Variants in ASAP1 observed in about 807,000 individuals in gnomAD.
The protein encoded by ASAP1 is arf-GAP with SH3 domain, ANK repeat and PH domain-containing protein 1.
Under a neutral mutation model 145.2 loss-of-function variants are expected in ASAP1, and 43 were observed. The observed-to-expected ratio is 0.30, with a 90% CI of 0.23 to 0.38. The LOEUF (loss-of-function observed/expected upper bound fraction) is 0.38, where lower values mean the gene tolerates loss of function less well. Ranked by LOEUF, ASAP1 falls within the 10% of genes least tolerant of loss-of-function variation. The pLI, the probability that ASAP1 is intolerant of heterozygous loss-of-function variation, is 1.00. For synonymous variants in ASAP1, 546 were observed against 515.5 expected, an observed-to-expected ratio of 1.06 and a Z score of -0.80; for missense variants, 1,018 against 1,355.3, an observed-to-expected ratio of 0.75 and a Z score of 3.91.
In ASAP1 at chr8:130,159,601, T is replaced by C. The variant is rs557361723; in HGVS notation, c.1010+263A>G. ...AGGTGGGTGAGTATGAGGTCAGCAC[T>C]TGCCTGCTGCATGTGCTACTCAGTA... On this transcript the variant is annotated intron_variant, in intron 12 of 29. Coordinates refer to ENST00000518721, the MANE Select transcript of ASAP1 (RefSeq NM_018482.4). 2.7e-5 allele frequency among the ~76,000 whole-genome samples: 4 copies of C among 150,276 alleles called. 1 individual carries two copies. In the South Asian group the frequency reaches 8.5e-4, roughly 32 times the overall value.
intron 3 of ASAP1, among the ~76,000 whole-genome samples, chr8:130,243,506 C>T (rs1452335535): frequency 6.6e-6 from 1 of 152,106 alleles, no homozygotes; most frequent in Non-Finnish European, 1.5e-5. Context: ...TCCAATAAAA[C>T]TAAGTCCTCG....
intron 27 of ASAP1, among the ~76,000 whole-genome samples, chr8:130,072,791 A>ATGTGTGTGTGTGTG (rs1491261390): frequency 0.016 from 1,443 of 91,160 alleles, 130 homozygotes; most frequent in African/African-American, 0.053. Context: ...CTTGCAATTG[A>ATGTGTGTGTGTGTG]TATGTGTGTG....
intron 27 of ASAP1, among the ~76,000 whole-genome samples, chr8:130,073,277 C>G (rs1439241302): frequency 6.6e-6 from 1 of 151,762 alleles, no homozygotes; most frequent in Non-Finnish European, 1.5e-5. Flanking sequence ...GTAATCCCAG[C>G]TACTTGGGAG....
intron 3 of ASAP1, among the ~76,000 whole-genome samples, chr8:130,271,975 T>C (rs1189872094): frequency 6.6e-6 from 1 of 151,988 alleles, no homozygotes. Flanking sequence ...AGTTGAATGA[T>C]GAAGAAATAA....
intron 3 of ASAP1, among the ~76,000 whole-genome samples, chr8:130,259,958 A>C (rs1051296055): frequency 7.9e-5 from 12 of 152,216 alleles, no homozygotes; most frequent in Non-Finnish European, 1.3e-4. Flanking sequence ...ATTCCTTGCC[A>C]AGTGACTCTT....
intron 11 of ASAP1, among the ~76,000 whole-genome samples, chr8:130,162,476 T>C (rs548238875): frequency 6.6e-6 from 1 of 152,224 alleles, no homozygotes; most frequent in African/African-American, 2.4e-5. Flanking sequence ...AATTACTCAA[T>C]TATGAATTTG....
chr8:130,435,288 A>T (rs1286755633), intron 1 of ASAP1, among the ~76,000 whole-genome samples: 3 of 152,212 alleles, frequency 2.0e-5, no homozygotes, highest in Non-Finnish European at 2.9e-5. Flanking sequence ...ATTCTTCAGC[A>T]TCTTAGTAAG....
intron 3 of ASAP1, among the ~76,000 whole-genome samples, chr8:130,352,827 A>C (rs4363239): frequency 0.11 from 16,769 of 152,280 alleles, 1,060 homozygotes; most frequent in South Asian, 0.29. Context: ...TACATTCTGT[A>C]TCTTCATTCA....
At chr8:130,227,214 A>G (rs1305832968) in intron 4 of ASAP1, among the ~76,000 whole-genome samples, 1 of 152,100 alleles carries the variant, frequency 6.6e-6, no homozygotes, top group Admixed American at 6.6e-5. Context: ...GTAGCCTACG[A>G]TAGGACTCAG....
At chr8:130,120,612 T>C (rs1439698629) in intron 18 of ASAP1, among the ~76,000 whole-genome samples, 1 of 152,236 alleles carries the variant, frequency 6.6e-6, no homozygotes, top group Non-Finnish European at 1.5e-5. Flanking sequence ...CATGCATTCA[T>C]CTGCGTTTCA....
intron 1 of ASAP1, among the ~76,000 whole-genome samples, chr8:130,405,434 G>A (rs994411502): frequency 1.3e-5 from 2 of 152,240 alleles, no homozygotes; most frequent in Non-Finnish European, 2.9e-5. Context: ...AGTCTGTGAT[G>A]TACCAACCTA....
intron 3 of ASAP1, among the ~76,000 whole-genome samples, chr8:130,350,768 T>C (rs1380544992): frequency 6.6e-6 from 1 of 152,188 alleles, no homozygotes; most frequent in Non-Finnish European, 1.5e-5. Flanking sequence ...ACTTGGCAAT[T>C]CCCTGAATAA....
intron 3 of ASAP1, among the ~76,000 whole-genome samples, chr8:130,349,072 C>T (rs911718542): frequency 1.3e-5 from 2 of 152,194 alleles, no homozygotes; most frequent in Admixed American, 6.5e-5. Flanking sequence ...ATCAGGCTGG[C>T]CTGGGTCAAA....
intron 1 of ASAP1, among the ~76,000 whole-genome samples, chr8:130,418,758 G>C (rs1829593513): frequency 7.7e-6 from 1 of 129,238 alleles, no homozygotes; most frequent in African/African-American, 2.8e-5. Context: ...CATACAATAG[G>C]TGCCAAAAAA....
At chr8:130,441,508 G>A (rs1048365557) in intron 1 of ASAP1, among the ~76,000 whole-genome samples, 1 of 152,202 alleles carries the variant, frequency 6.6e-6, no homozygotes, top group African/African-American at 2.4e-5. Flanking sequence ...TCCAAATACG[G>A]CTGAGACCTA....
chr8:130,269,684 A>G (rs796243704), intron 3 of ASAP1, among the ~76,000 whole-genome samples: 2 of 152,316 alleles, frequency 1.3e-5, no homozygotes, highest in African/African-American at 4.8e-5. Flanking sequence ...TAGATGAGGC[A>G]CTGTCCTGGG....
chr8:130,236,274 T>A (rs985484796), intron 4 of ASAP1, among the ~76,000 whole-genome samples: 1 of 152,112 alleles, frequency 6.6e-6, no homozygotes, highest in African/African-American at 2.4e-5. Context: ...GTTTCCAAGC[T>A]TCTCTTCTAC....
intron 3 of ASAP1, among the ~76,000 whole-genome samples, chr8:130,328,355 G>A (rs910273368): frequency 1.3e-5 from 2 of 152,186 alleles, no homozygotes; most frequent in South Asian, 2.1e-4. Flanking sequence ...AGCAGTGAAA[G>A]TGCAGGTGAC....
intron 9 of ASAP1, among the ~76,000 whole-genome samples, chr8:130,172,822 GA>G (rs1813679268): frequency 6.6e-6 from 1 of 152,180 alleles, no homozygotes; most frequent in Non-Finnish European, 1.5e-5. Context: ...TGATAAAAAT[GA>G]AAATTCCTGC....
Sources: gnomAD v4.1 joint callset for allele counts (sites outside exome capture counted in the v4.1 genomes callset) on GRCh38, gnomAD v4.1.1 for gene constraint, MANE v1.5 for transcripts, NCBI Gene and HGNC (gene_info 2026-07-23, HGNC 2026-07-21) for gene names.